HDAC9: variants seen among roughly 807,000 people sequenced by gnomAD.
The protein encoded by HDAC9 is MEF-2 interacting transcription repressor (MITR) protein.
HDAC9 carries 41 observed loss-of-function variants against 139.4 expected under a neutral mutation model. That is an observed-to-expected ratio of 0.29 (90% CI 0.23 to 0.38). The LOEUF (loss-of-function observed/expected upper bound fraction) is 0.38, where lower values mean the gene tolerates loss of function less well. Ranked by LOEUF, HDAC9 falls within the 10% of genes least tolerant of loss-of-function variation. HDAC9 has a pLI of 1.00. For synonymous variants in HDAC9, 517 were observed against 476.2 expected, an observed-to-expected ratio of 1.09 and a Z score of -1.12; for missense variants, 1,147 against 1,297.0, an observed-to-expected ratio of 0.88 and a Z score of 1.78.
In HDAC9 at chr7:18,859,843, T is replaced by G. The variant is rs1342300432; in HGVS notation, c.2685-14635T>G. 4.5e-5 allele frequency among the ~76,000 whole-genome samples: 6 copies of G among 134,416 alleles called. No homozygotes were observed. The East Asian group carries it at 1.1e-3, about 25-fold the overall frequency. 88.2% of individuals were successfully genotyped at this position (134,416 alleles called of 152,430 possible). A position where few individuals can be genotyped will look rare whatever the true frequency, so the allele number is the denominator to read the frequency against. ...ATATATATATATATATATATATATA[T>G]ATATATATATATATATGTGAGAGAA... is the stretch of plus-strand genomic sequence containing the variant. On this transcript the variant is annotated intron_variant, in intron 21 of 25. Transcript: ENST00000686413.
chr7:18,600,914 C>T (rs1028414020), intron 6 of HDAC9, among the ~76,000 whole-genome samples: 24 of 152,196 alleles, frequency 1.6e-4, no homozygotes, highest in East Asian at 9.7e-4. Context: ...GTGATCTTCC[C>T]GCCTCAGCCT....
Position 18,934,131 on chromosome 7 carries a change from G to A in HDAC9, c.2804-1678G>A, listed in dbSNP as rs75568764. On this transcript the variant is annotated intron_variant, in intron 22 of 25. Coordinates refer to ENST00000686413, the MANE Select transcript of HDAC9 (RefSeq NM_178425.4). ...AAACAATGAAATAAAAGAAGGAAAC[G>A]CCTGTAAAAATATAACTTAGGACGA... Among the ~76,000 whole-genome samples the A allele has an allele frequency of 9.7e-4, 148 of 152,070 alleles. 1 individual carries two copies. In the East Asian group the frequency reaches 0.026, roughly 27 times the overall value.
Position 18,225,711 on chromosome 7 carries a change from G to A in HDAC9, c.25+63362G>A, listed in dbSNP as rs61553114. ...TTGGAGGAGAAAAAATTCACTGACA[G>A]GTTTTTCTATTATATGATTTATATT... On this transcript the variant is annotated intron_variant, in intron 2 of 12. Transcript: ENST00000417496. 5.3e-5 allele frequency among the ~76,000 whole-genome samples: 8 copies of A among 152,052 alleles called. No homozygotes were observed. The East Asian group carries it at 1.5e-3, about 29-fold the overall frequency.
At chr7:18,827,266 T>C (rs890840470) in intron 17 of HDAC9, among the ~76,000 whole-genome samples, 4 of 152,122 alleles carry the variant, frequency 2.6e-5, no homozygotes, top group Admixed American at 2.0e-4. Flanking sequence ...TATCTAATAG[T>C]CCATGGTATT....
At chr7:18,439,839 A>G (rs1373592704) in intron 1 of HDAC9, among the ~76,000 whole-genome samples, 1 of 152,202 alleles carries the variant, frequency 6.6e-6, no homozygotes, top group Middle Eastern at 3.2e-3. Flanking sequence ...GTACATACAC[A>G]CACACAAACA....
intron 2 of HDAC9, among the ~76,000 whole-genome samples, chr7:18,209,902 A>G (rs968744147): frequency 3.9e-5 from 6 of 151,970 alleles, no homozygotes; most frequent in Non-Finnish European, 8.8e-5. Flanking sequence ...GGGTTTCACC[A>G]TGTTAGCCAG....
At chr7:18,487,842 C>T (rs1057284961) in intron 1 of HDAC9, among the ~76,000 whole-genome samples, 1 of 151,942 alleles carries the variant, frequency 6.6e-6, no homozygotes, top group East Asian at 1.9e-4. Flanking sequence ...ACTTTTGTAG[C>T]AAGAAATGAT....
intron 8 of HDAC9, among the ~76,000 whole-genome samples, chr7:18,641,133 A>G (rs1785473048): frequency 6.6e-6 from 1 of 152,092 alleles, no homozygotes; most frequent in Non-Finnish European, 1.5e-5. Flanking sequence ...AATTGAAATC[A>G]GTGGCTTAAT....
intron 1 of HDAC9, among the ~76,000 whole-genome samples, chr7:18,396,169 T>C (rs1276556364): frequency 7.1e-6 from 1 of 141,404 alleles, no homozygotes; most frequent in Non-Finnish European, 1.6e-5. Flanking sequence ...CTTCTTTCCT[T>C]TCTTCTACAA....
In HDAC9 at chr7:18,997,533, T is replaced by C. The variant is rs1401420943; in HGVS notation, c.*1471T>C. 1.3e-5 allele frequency: 2 copies of C among 152,162 alleles called. No individual in the cohort carries two copies. The highest frequency in any genetic ancestry group is 2.1e-4 in the South Asian group (1 of 4,832). 9.4% of individuals were successfully genotyped at this position (152,162 alleles called of 1,614,324 possible). A position where few individuals can be genotyped will look rare whatever the true frequency, so the allele number is the denominator to read the frequency against. On this transcript the variant is annotated 3_prime_UTR_variant, in exon 26 of 26. Coordinates refer to ENST00000686413, the MANE Select transcript of HDAC9 (RefSeq NM_178425.4). ...GACAATGCTTTTGAAAGAGTTGATG[T>C]TTCTTTTTATATATTTTTCTAACTC...
At chr7:18,246,916 G>A (rs548203332) in intron 2 of HDAC9, among the ~76,000 whole-genome samples, 1 of 152,058 alleles carries the variant, frequency 6.6e-6, no homozygotes, top group Non-Finnish European at 1.5e-5. Context: ...GTAAGATTTT[G>A]AATCTAGGAC....
chr7:18,690,718 A>G (rs1370092420), intron 12 of HDAC9, among the ~76,000 whole-genome samples: 1 of 152,036 alleles, frequency 6.6e-6, no homozygotes, highest in Non-Finnish European at 1.5e-5. Context: ...TTGAGAGAAA[A>G]TCCTCTCGAA....
intron 16 of HDAC9, among the ~76,000 whole-genome samples, chr7:18,791,344 A>C (rs1792291912): frequency 6.6e-6 from 1 of 152,166 alleles, no homozygotes; most frequent in African/African-American, 2.4e-5. Flanking sequence ...ATTCTGATTA[A>C]TGCAGGCTTT....
At chr7:18,684,046 C>T (rs1027177521) in intron 12 of HDAC9, among the ~76,000 whole-genome samples, 67 of 151,636 alleles carry the variant, frequency 4.4e-4, no homozygotes, top group African/African-American at 1.5e-3. Flanking sequence ...CACTTGAGCC[C>T]AGGAGTTCAA....
rs1390033037 is a variant in HDAC9 at position 18,998,266 on chromosome 7, A to T, written c.*2204A>T. Reference sequence around the variant, plus strand: ...TTGAATAAGAAAATAAAACAGTGTAATGCAAACATGCTAATTTACTAAAGT... The same window carrying T: ...TTGAATAAGAAAATAAAACAGTGTATTGCAAACATGCTAATTTACTAAAGT... On this transcript the variant is annotated 3_prime_UTR_variant, in exon 26 of 26. Transcript: ENST00000686413. 2 of 152,170 alleles carry T rather than the reference A, an allele frequency of 1.3e-5. No homozygotes were observed. The highest frequency in any genetic ancestry group is 3.8e-4 in the East Asian group (2 of 5,206). The allele number at this position is 152,170 out of a possible 1,614,324, so 9.4% of individuals were successfully genotyped here. A position where few individuals can be genotyped will look rare whatever the true frequency, so the allele number is the denominator to read the frequency against.
chr7:18,834,439 T>C (rs1796077221), intron 19 of HDAC9, among the ~76,000 whole-genome samples: 1 of 152,020 alleles, frequency 6.6e-6, no homozygotes, highest in African/African-American at 2.4e-5. Context: ...CTATTAGTTC[T>C]ATTGACTTTT....
chr7:18,646,337 A>C (rs1366282041), intron 9 of HDAC9, among the ~76,000 whole-genome samples: 1 of 152,146 alleles, frequency 6.6e-6, no homozygotes, highest in Non-Finnish European at 1.5e-5. Flanking sequence ...CTAAAGCCAG[A>C]CCAGTTAATG....
At chr7:18,658,262 A>T (rs560276006) in intron 11 of HDAC9, among the ~76,000 whole-genome samples, 2 of 152,234 alleles carry the variant, frequency 1.3e-5, no homozygotes, top group East Asian at 3.9e-4. Flanking sequence ...AAGGCCTGGC[A>T]TATAGTAAAC....
intron 12 of HDAC9, among the ~76,000 whole-genome samples, chr7:18,673,136 G>A (rs1486240553): frequency 6.6e-6 from 1 of 151,908 alleles, no homozygotes; most frequent in Admixed American, 6.6e-5. Flanking sequence ...TTATGTTGAA[G>A]CCAGGTGTGG....
Sources: allele counts gnomAD v4.1 joint callset (sites outside exome capture counted in the v4.1 genomes callset), GRCh38; gene constraint gnomAD v4.1.1; transcripts MANE v1.5; gene names NCBI Gene and HGNC (gene_info 2026-07-23, HGNC 2026-07-21).